The following ZNF346 variants were observed in gnomAD, a reference collection of about 807,000 sequenced individuals.
ZNF346 encodes double-stranded RNA-binding zinc finger protein JAZ.
Under a neutral mutation model 33.7 loss-of-function variants are expected in ZNF346, and 23 were observed. That is an observed-to-expected ratio of 0.68 (90% CI 0.49 to 0.97). The LOEUF is 0.97. Ranked by LOEUF, ZNF346 falls within the 50% of genes least tolerant of loss-of-function variation. The pLI, the probability that ZNF346 is intolerant of heterozygous loss-of-function variation, is 0.00. For missense variants in ZNF346, 340 were observed against 371.1 expected (o/e 0.92, Z 0.69); for synonymous variants, 134 against 142.4 (o/e 0.94, Z 0.42).
At chr5:177,062,029 A>T in intron 5 of ZNF346, 29 bp from the exon 6 acceptor site, 2 of 1,589,710 alleles carry the variant, frequency 1.3e-6, no homozygotes, top group Non-Finnish European at 1.7e-6. Flanking sequence ...TTTCTGGATT[A>T]CTAAGATCTT....
intron 1 of ZNF346, among the ~76,000 whole-genome samples, chr5:177,028,833 C>A (rs1345320603): frequency 1.3e-5 from 2 of 150,738 alleles, no homozygotes; most frequent in Non-Finnish European, 3.0e-5. Flanking sequence ...CATTCTCCTG[C>A]CCCAGCCTCC....
intron 5 of ZNF346, among the ~76,000 whole-genome samples, chr5:177,051,397 G>A (rs1021388682): frequency 4.6e-5 from 7 of 151,640 alleles, no homozygotes; most frequent in Non-Finnish European, 7.4e-5. Flanking sequence ...GGATGGTCTC[G>A]ATCTCCTGAC....
intron 1 of ZNF346, among the ~76,000 whole-genome samples, chr5:177,029,833 C>T (rs954466737): frequency 5.3e-5 from 8 of 152,080 alleles, no homozygotes; most frequent in African/African-American, 1.7e-4. Flanking sequence ...GATTTATAGC[C>T]GGTTGGTCAG....
At chr5:177,059,685 T>G (rs1401465703) in intron 5 of ZNF346, among the ~76,000 whole-genome samples, 1 of 152,216 alleles carries the variant, frequency 6.6e-6, no homozygotes, top group African/African-American at 2.4e-5. Context: ...CTGAGCCCCA[T>G]GCTGGTCCCC....
chr5:177,024,102 TAC>T (rs1776340977), intron 1 of ZNF346, among the ~76,000 whole-genome samples: 1 of 146,796 alleles, frequency 6.8e-6, no homozygotes, highest in South Asian at 2.2e-4. Flanking sequence ...ATATAATATA[TAC>T]ACACATAAAT....
intron 1 of ZNF346, among the ~76,000 whole-genome samples, chr5:177,028,870 C>T (rs1777272852): frequency 1.3e-5 from 2 of 151,616 alleles, no homozygotes; most frequent in Non-Finnish European, 2.9e-5. Flanking sequence ...TAGGCGCCCA[C>T]CACCACACCT....
chr5:177,060,954 C>CA (rs941147103), intron 5 of ZNF346, among the ~76,000 whole-genome samples: 25 of 151,270 alleles, frequency 1.7e-4, no homozygotes, highest in East Asian at 3.9e-4. Context: ...ACTAAAAATA[C>CA]AAAAAAAATT....
chr5:177,043,595 G>A (rs755233461), intron 3 of ZNF346, among the ~76,000 whole-genome samples: 4 of 151,914 alleles, frequency 2.6e-5, no homozygotes, highest in Admixed American at 1.3e-4. Context: ...GTGAAACCCC[G>A]TCTCTATAAA....
At chr5:177,035,341 C>T (rs1439041015) in intron 1 of ZNF346, among the ~76,000 whole-genome samples, 2 of 152,282 alleles carry the variant, frequency 1.3e-5, no homozygotes, top group Admixed American at 6.5e-5. Flanking sequence ...TGAAAAGCAC[C>T]TCATTTTCCA....
intron 8 of ZNF346, among the ~76,000 whole-genome samples, chr5:177,074,608 C>T (rs1783655429): frequency 6.6e-6 from 1 of 152,118 alleles, no homozygotes; most frequent in Non-Finnish European, 1.5e-5. Flanking sequence ...CACAACAGAC[C>T]TCATCTCTTT....
chr5:177,033,053 A>G (rs1777942045), intron 1 of ZNF346, among the ~76,000 whole-genome samples: 1 of 151,890 alleles, frequency 6.6e-6, no homozygotes, highest in South Asian at 2.1e-4. Context: ...ATTATACCCA[A>G]CCTCCCTTTC....
At chr5:177,076,754 C>T (rs1783764707) in intron 8 of ZNF346, among the ~76,000 whole-genome samples, 3 of 152,086 alleles carry the variant, frequency 2.0e-5, no homozygotes, top group South Asian at 2.1e-4. Context: ...TAATAAGTAT[C>T]GTTGAGCCGG....
At chr5:177,064,482 C>G (rs13356229) in intron 6 of ZNF346, 30 bp from the exon 7 acceptor site, 77,968 of 1,573,816 alleles carry the variant, frequency 0.05, 6,975 homozygotes, top group African/African-American at 0.37. Context: ...CACACACTGA[C>G]CCTCTTCCTT....
chr5:177,048,315 A>G (rs575580792), intron 4 of ZNF346, among the ~76,000 whole-genome samples: 1 of 152,340 alleles, frequency 6.6e-6, no homozygotes, highest in East Asian at 1.9e-4. Flanking sequence ...TTAAAAATCT[A>G]CATTCATTAC....
rs150044807 is a variant in ZNF346, at chr5:177,028,496, T to TTATATATATATATA, written c.175+5595_175+5608dup. ...TTCTCTCTTAAGCACTTGTGACGTT[T>TTATATATATATATA]TATATATATATATATATATATATAT... On this transcript the variant is annotated intron_variant, in intron 1 of 6. Transcript: ENST00000358149. Among the ~76,000 whole-genome samples, 587 of 90,478 alleles carry TTATATATATATATA rather than the reference T, an allele frequency of 6.5e-3. 17 individuals are homozygous for TTATATATATATATA. The highest frequency in any genetic ancestry group is 0.026 in the South Asian group (73 of 2,786). 59.4% of individuals were successfully genotyped at this position (90,478 alleles called of 152,430 possible).
chr5:177,036,786 T>C (rs998641307), intron 1 of ZNF346, among the ~76,000 whole-genome samples: 5 of 152,194 alleles, frequency 3.3e-5, no homozygotes, highest in African/African-American at 9.7e-5. Flanking sequence ...TTTGTTTTCA[T>C]GGCTAGCACC....
chr5:177,038,267 TTG>T (rs1554145685), intron 1 of ZNF346, among the ~76,000 whole-genome samples: 1 of 148,508 alleles, frequency 6.7e-6, no homozygotes, highest in Non-Finnish European at 1.5e-5. Context: ...TTTTTTTTTT[TTG>T]TGTGTGTGTG....
In ZNF346 at chr5:177,050,740, C is replaced by T. The variant is rs370931284; in HGVS notation, c.518-11C>T. 87 of 1,614,054 alleles carry T rather than the reference C, an allele frequency of 5.4e-5. No homozygotes were observed. The highest frequency in any genetic ancestry group is 1.6e-4 in the Middle Eastern group (1 of 6,084). On this transcript the variant is annotated splice_polypyrimidine_tract_variant and intron_variant, in intron 4 of 6. Coordinates refer to ENST00000358149, the MANE Select transcript of ZNF346 (RefSeq NM_012279.4). The stretch of plus-strand genomic sequence containing the variant: ...GCCTTACAAATCCTTTCCTTGTGGC[C>T]TCCACCTTAGCCTTGCACCAGAATA...
intron 1 of ZNF346, among the ~76,000 whole-genome samples, chr5:177,027,758 C>G (rs1254410951): frequency 6.6e-6 from 1 of 151,238 alleles, no homozygotes; most frequent in South Asian, 2.1e-4. Flanking sequence ...CAGCCTCAGA[C>G]TCCTTCAAAC....
Sources: gnomAD v4.1 joint callset for allele counts (sites outside exome capture counted in the v4.1 genomes callset) on GRCh38, gnomAD v4.1.1 for gene constraint, MANE v1.5 for transcripts, NCBI Gene and HGNC (gene_info 2026-07-23, HGNC 2026-07-21) for gene names.